Variants in CSMD1 observed in about 807,000 individuals in gnomAD.
CSMD1 encodes CUB and Sushi multiple domains 1, also known as CUB and sushi domain-containing protein 1.
In CSMD1, 213 loss-of-function variants were observed where a neutral mutation model predicts 417.5. That is an observed-to-expected ratio of 0.51 (90% CI 0.46 to 0.57). CSMD1 has a LOEUF of 0.57. CSMD1 is among the 20% of genes least tolerant of loss of function. CSMD1 has a pLI of 0.00. For missense variants in CSMD1, 6,923 were observed against 4,529.7 expected, an observed-to-expected ratio of 1.53 and a Z score of -15.17; for synonymous variants, 2,862 against 1,736.8, an observed-to-expected ratio of 1.65 and a Z score of -16.11.
At chr8:4,324,123 C>A (rs1462271896) in intron 3 of CSMD1, among the ~76,000 whole-genome samples, 1 of 152,150 alleles carries the variant, frequency 6.6e-6, no homozygotes, top group Non-Finnish European at 1.5e-5. Flanking sequence ...AAATCTCCTG[C>A]CTTAACTGCT....
At chr8:4,963,289 C>A (rs1809638071) in intron 1 of CSMD1, among the ~76,000 whole-genome samples, 2 of 152,174 alleles carry the variant, frequency 1.3e-5, no homozygotes, top group Admixed American at 6.5e-5. Flanking sequence ...TAACCTCCAC[C>A]TCCGGGGTTC....
chr8:3,305,108 T>G (rs1172391627), intron 25 of CSMD1, among the ~76,000 whole-genome samples: 1 of 152,148 alleles, frequency 6.6e-6, no homozygotes, highest in East Asian at 1.9e-4. Context: ...CTTGACCAAC[T>G]GGGCTCAAGA....
intron 2 of CSMD1, among the ~76,000 whole-genome samples, chr8:4,530,860 A>G (rs979402645): frequency 1.3e-5 from 2 of 151,764 alleles, no homozygotes; most frequent in African/African-American, 4.8e-5. Context: ...TTTCCTTTTC[A>G]CAAAGAAGTA....
intron 3 of CSMD1, among the ~76,000 whole-genome samples, chr8:4,340,524 T>C (rs73660756): frequency 0.01 from 1,543 of 152,186 alleles, 23 homozygotes; most frequent in African/African-American, 0.034. Context: ...GACTTTATTA[T>C]ATGTCAGATG....
intron 5 of CSMD1, among the ~76,000 whole-genome samples, chr8:3,875,178 C>T (rs1258154834): frequency 2.0e-5 from 3 of 152,044 alleles, no homozygotes; most frequent in African/African-American, 7.2e-5. Context: ...GACTGTAGCG[C>T]AGTGGGGAAG....
At chr8:4,877,018 G>A (rs1239049050) in intron 1 of CSMD1, among the ~76,000 whole-genome samples, 1 of 151,870 alleles carries the variant, frequency 6.6e-6, no homozygotes, top group East Asian at 1.9e-4. Context: ...GAGTTTCTCA[G>A]AAAGAAAAAT....
Position 3,615,257 on chromosome 8 carries a change from G to A in CSMD1, c.1097+1453C>T, listed in dbSNP as rs113464696. On this transcript the variant is annotated intron_variant, in intron 8 of 69. Transcript: ENST00000635120. ...GACAGACAGCAAAGTGGGTACAAAA[G>A]GTGAGGCCTGCTTGTCAGTACAGTT... is the stretch of plus-strand genomic sequence containing the variant. 4.3e-3 allele frequency among the ~76,000 whole-genome samples: 651 copies of A among 152,158 alleles called. 5 individuals carry two copies. The highest frequency in any genetic ancestry group is 0.015 in the African/African-American group (622 of 41,510).
intron 7 of CSMD1, among the ~76,000 whole-genome samples, chr8:3,620,290 C>G (rs554265317): frequency 6.8e-6 from 1 of 147,120 alleles, no homozygotes; most frequent in Non-Finnish European, 1.5e-5. Context: ...GAAAGTCCTT[C>G]AAGTTGAAAT....
intron 1 of CSMD1, among the ~76,000 whole-genome samples, chr8:4,673,508 G>A (rs1805480813): frequency 6.6e-6 from 1 of 152,098 alleles, no homozygotes; most frequent in South Asian, 2.1e-4. Context: ...TGTTTTGTTG[G>A]AAGAGTTTCC....
chr8:3,278,297 T>C (rs1488468087), intron 26 of CSMD1: 1 of 152,232 alleles, frequency 6.6e-6, no homozygotes, highest in Non-Finnish European at 1.5e-5. Flanking sequence ...TAAAATGTAC[T>C]TCAAAGTGTG....
intron 3 of CSMD1, among the ~76,000 whole-genome samples, chr8:4,313,489 G>T (rs1014792230): frequency 1.5e-5 from 2 of 136,630 alleles, no homozygotes; most frequent in African/African-American, 5.6e-5. Context: ...AGCTCCCAAA[G>T]GTCTTACATG....
chr8:4,654,061 G>T (rs1181193612), intron 1 of CSMD1, among the ~76,000 whole-genome samples: 2 of 152,038 alleles, frequency 1.3e-5, no homozygotes, highest in Admixed American at 6.5e-5. Flanking sequence ...ACTTCTCAAA[G>T]CCCCATAATG....
chr8:3,181,051 C>T, intron 37 of CSMD1, 59 bp downstream of exon 37: 3 of 1,027,416 alleles, frequency 2.9e-6, no homozygotes, highest in Admixed American at 2.1e-5. Flanking sequence ...TTTATTTTTT[C>T]TTTAAAAAAA....
intron 4 of CSMD1, among the ~76,000 whole-genome samples, chr8:4,002,827 A>C (rs913088277): frequency 6.6e-6 from 1 of 152,226 alleles, no homozygotes; most frequent in Admixed American, 6.5e-5. Context: ...CCTCATACAA[A>C]ATACCTGTTA....
chr8:3,487,035 C>A (rs1014330022), intron 11 of CSMD1, among the ~76,000 whole-genome samples: 2 of 152,108 alleles, frequency 1.3e-5, no homozygotes, highest in Non-Finnish European at 2.9e-5. Flanking sequence ...GAAGGTGACA[C>A]AAAAGCACTT....
intron 2 of CSMD1, among the ~76,000 whole-genome samples, chr8:4,530,237 A>G (rs1796734737): frequency 6.8e-6 from 1 of 146,558 alleles, no homozygotes; most frequent in African/African-American, 2.5e-5. Flanking sequence ...GTGACTGCAT[A>G]CCATGCTCCA....
intron 25 of CSMD1, among the ~76,000 whole-genome samples, chr8:3,306,114 T>C (rs533041063): frequency 6.6e-6 from 1 of 152,206 alleles, no homozygotes; most frequent in South Asian, 2.1e-4. Context: ...ATAATATGCA[T>C]TTTCCTCACT....
chr8:4,533,531 G>T (rs758986650), intron 2 of CSMD1, among the ~76,000 whole-genome samples: 1 of 152,016 alleles, frequency 6.6e-6, no homozygotes, highest in Non-Finnish European at 1.5e-5. Flanking sequence ...AGACCTTTTG[G>T]GAACACAATA....
At chr8:3,304,490 C>G (rs953830375) in intron 25 of CSMD1, among the ~76,000 whole-genome samples, 1 of 152,042 alleles carries the variant, frequency 6.6e-6, no homozygotes, top group Non-Finnish European at 1.5e-5. Context: ...GTGGTTCAAT[C>G]ATCAAAAACA....
Sources: gnomAD v4.1 joint callset for allele counts (sites outside exome capture counted in the v4.1 genomes callset) on GRCh38, gnomAD v4.1.1 for gene constraint, MANE v1.5 for transcripts, NCBI Gene and HGNC (gene_info 2026-07-23, HGNC 2026-07-21) for gene names.